Variants in ALPK1 observed in about 807,000 individuals in gnomAD.
ALPK1 encodes the protein alpha kinase 1.
In ALPK1, 110 loss-of-function variants were observed where a neutral mutation model predicts 120.6. The ratio of observed to expected loss-of-function variants is 0.91; its 90% CI spans 0.78 to 1.07. ALPK1 has a LOEUF of 1.07. ALPK1 is among the 50% of genes least tolerant of loss of function. ALPK1 has a pLI of 0.00. For synonymous variants in ALPK1, 582 were observed against 560.3 expected (o/e 1.04, Z -0.55); for missense variants, 1,498 against 1,483.9 (o/e 1.01, Z -0.16).
At position 112,411,901 on chromosome 4, in the gene ALPK1, C is replaced by T. The variant is rs1178964856; in HGVS notation, c.351C>T (p.Phe117=). Residue 117 remains phenylalanine, a synonymous_variant, in exon 5 of 16, where the codon TTC becomes TTT. Coordinates refer to ENST00000650871, the MANE Select transcript of ALPK1 (RefSeq NM_025144.4). Reference sequence around the variant, plus strand: ...CTATTGTGTTCTTGGTGGACCGGTTCCTGTATGGGCTCGACGTCTCTGGAA... The same window carrying T: ...CTATTGTGTTCTTGGTGGACCGGTTTCTGTATGGGCTCGACGTCTCTGGAA... ...AAAIVFLVDR[F]LYGLDVSGKL... 1 of 1,614,134 alleles carries T rather than the reference C, an allele frequency of 6.2e-7. No homozygotes were observed. The highest frequency in any genetic ancestry group is 1.7e-5 in the Admixed American group (1 of 60,030).
intron 4 of ALPK1, among the ~76,000 whole-genome samples, chr4:112,393,463 C>T (rs1187732087): frequency 6.6e-6 from 1 of 152,186 alleles, no homozygotes; most frequent in Non-Finnish European, 1.5e-5. Flanking sequence ...TAATCCTCAA[C>T]AAGAAAATCT....
intron 5 of ALPK1, among the ~76,000 whole-genome samples, chr4:112,413,914 T>C (rs1733608131): frequency 1.3e-5 from 2 of 152,198 alleles, no homozygotes; most frequent in Non-Finnish European, 2.9e-5. Flanking sequence ...ATGGTTGGGA[T>C]TGTCTTTTCC....
Position 112,369,987 on chromosome 4 carries a change from G to C in ALPK1, c.-100-7691G>C, listed in dbSNP as rs576774672. ...CTAGCTTGGGGATTCTGACTAGTTGGCTAGTGGGTTATAATAGCAGTGGCA... is the reference window on the plus strand; with the variant it reads ...CTAGCTTGGGGATTCTGACTAGTTGCCTAGTGGGTTATAATAGCAGTGGCA... On this transcript the variant is annotated intron_variant, in intron 2 of 15. Transcript: ENST00000650871. Among the ~76,000 whole-genome samples the C allele has an allele frequency of 2.6e-5, 4 of 152,208 alleles. No homozygotes were observed. The South Asian group carries it at 8.3e-4, about 32-fold the overall frequency.
At chr4:112,394,284 T>G (rs572822768) in intron 4 of ALPK1, among the ~76,000 whole-genome samples, 43 of 152,358 alleles carry the variant, frequency 2.8e-4, no homozygotes, top group African/African-American at 1.0e-3. Flanking sequence ...CCCCTCTGCT[T>G]CTTTCTGTTA....
chr4:112,379,977 A>G (rs1731830844), intron 3 of ALPK1, among the ~76,000 whole-genome samples: 1 of 152,204 alleles, frequency 6.6e-6, no homozygotes, highest in Non-Finnish European at 1.5e-5. Context: ...GAAAATATGA[A>G]CACTATTCAC....
chr4:112,347,996 T>G (rs1325003433), intron 2 of ALPK1, among the ~76,000 whole-genome samples: 1 of 152,172 alleles, frequency 6.6e-6, no homozygotes, highest in Non-Finnish European at 1.5e-5. Context: ...GCCATCCTCC[T>G]TATTAGAGAA....
At chr4:112,411,733 T>G in intron 4 of ALPK1, 94 bp from the exon 5 acceptor site, 1 of 1,204,146 alleles carries the variant, frequency 8.3e-7, no homozygotes. Context: ...CTGTGGGTTT[T>G]GTTGTATTAA....
chr4:112,431,021 GCTCTA>G lies in ALPK1; in HGVS notation c.1475_1479del (p.Ala492GlufsTer32). 6.2e-7 allele frequency: 1 copy of G among 1,613,180 alleles called. No homozygotes were observed. Among genetic ancestry groups the G allele is most frequent in the Non-Finnish European group, 8.5e-7 (1 of 1,179,756 alleles). On this transcript the variant is annotated frameshift_variant, in exon 11 of 16. Coordinates refer to ENST00000650871, the MANE Select transcript of ALPK1 (RefSeq NM_025144.4). LOFTEE classifies it high-confidence loss of function. ...TGCAAAAACAGGAGTCTGCATCACT[GCTCTA>G]AAAACAGAAATAAAAAACATAGATA...
At chr4:112,361,609 C>A (rs747396849) in intron 2 of ALPK1, among the ~76,000 whole-genome samples, 1 of 152,204 alleles carries the variant, frequency 6.6e-6, no homozygotes, top group African/African-American at 2.4e-5. Flanking sequence ...AACCCTGCCC[C>A]CATCTGATGA....
At position 112,430,456 on chromosome 4, in the gene ALPK1, T is replaced by C. The variant is rs1370418296; in HGVS notation, c.909T>C (p.Arg303=). 4 of 1,571,520 alleles carry C rather than the reference T, an allele frequency of 2.5e-6. No homozygotes were observed. The highest frequency in any genetic ancestry group is 1.2e-5 in the South Asian group (1 of 86,054). ...TTTGGTATTTTTCCCAGAATATCCG[T>C]GGCACGTGTTTATTGTCCTACAGTA... ...PLFVLTAVNI[R]GTCLLSYSSS... is the part of the protein sequence containing the mutation. The change falls in exon 11 of 16, where the codon CGT becomes CGC. Residue 303 remains arginine (R), a synonymous_variant. Transcript: ENST00000650871.
intron 1 of ALPK1, among the ~76,000 whole-genome samples, chr4:112,299,686 A>G (rs1271078045): frequency 3.3e-5 from 5 of 152,198 alleles, no homozygotes; most frequent in Non-Finnish European, 5.9e-5. Context: ...TGACAATGCA[A>G]TCTGTTCAAT....
intron 4 of ALPK1, among the ~76,000 whole-genome samples, chr4:112,406,798 G>A (rs1384400675): frequency 6.6e-6 from 1 of 152,172 alleles, no homozygotes; most frequent in Non-Finnish European, 1.5e-5. Flanking sequence ...TGGAAGGAAG[G>A]ATACTACACA....
intron 9 of ALPK1, 23 bp downstream of exon 9, chr4:112,427,688 G>T (rs768855740): frequency 2.0e-6 from 3 of 1,531,040 alleles, no homozygotes; most frequent in Non-Finnish European, 2.7e-6. Context: ...ACACTGAGTG[G>T]CATCACCTGT....
intron 4 of ALPK1, among the ~76,000 whole-genome samples, chr4:112,386,223 A>T (rs890039480): frequency 6.6e-6 from 1 of 151,688 alleles, no homozygotes; most frequent in Non-Finnish European, 1.5e-5. Context: ...CTCCTCCCTG[A>T]CTCTCCAATC....
rs556752907 is a variant in ALPK1 at position 112,313,134 on chromosome 4, G to A, written c.-152-2667G>A. Among the ~76,000 whole-genome samples, 378 of 152,312 alleles carry A rather than the reference G, an allele frequency of 2.5e-3. 2 individuals carry two copies. Among genetic ancestry groups the A allele is most frequent in the African/African-American group, 7.2e-3 (300 of 41,558 alleles). On this transcript the variant is annotated intron_variant, in intron 1 of 15. Coordinates refer to ENST00000650871, the MANE Select transcript of ALPK1 (RefSeq NM_025144.4). ...ATCTGAAGTTTAAGGTGAAGTTTGG[G>A]CTGGAGACAGGAATTTGATGATTAC...
chr4:112,310,131 TC>T (rs1419969596), intron 1 of ALPK1, among the ~76,000 whole-genome samples: 1 of 152,138 alleles, frequency 6.6e-6, no homozygotes, highest in African/African-American at 2.4e-5. Context: ...ATCTCTACTG[TC>T]CTGCTCAATT....
At chr4:112,309,614 T>C (rs1237012971) in intron 1 of ALPK1, among the ~76,000 whole-genome samples, 1 of 152,098 alleles carries the variant, frequency 6.6e-6, no homozygotes, top group South Asian at 2.1e-4. Flanking sequence ...ACCCGTCTTC[T>C]GCATTGCTCA....
Position 112,439,733 on chromosome 4 carries a change from C to T in ALPK1, c.3399C>T (p.Tyr1133=). ...AGGGATGTATCAGTGTGGAGCCTTA[C>T]ATACTGGGAGAATTTGTAAAATTGT... ...TIKGCISVEP[Y]ILGEFVKLSN... is the part of the protein sequence containing the mutation. The change falls in exon 14 of 16, where the codon TAC becomes TAT. Residue 1133 remains tyrosine (Y), a synonymous_variant. Transcript: ENST00000650871. 2.5e-6 allele frequency: 4 copies of T among 1,613,372 alleles called. No homozygotes were observed. The highest frequency in any genetic ancestry group is 3.4e-6 in the Non-Finnish European group (4 of 1,179,762).
intron 2 of ALPK1, among the ~76,000 whole-genome samples, chr4:112,350,133 A>G (rs1730288160): frequency 6.6e-6 from 1 of 152,024 alleles, no homozygotes; most frequent in Non-Finnish European, 1.5e-5. Flanking sequence ...CAACATCTTC[A>G]TTTTTCTGCT....
Sources: gnomAD v4.1 joint callset for allele counts (sites outside exome capture counted in the v4.1 genomes callset) on GRCh38, gnomAD v4.1.1 for gene constraint, MANE v1.5 for transcripts, NCBI Gene and HGNC (gene_info 2026-07-23, HGNC 2026-07-21) for gene names.